The following ROBO2 variants were observed in gnomAD, a reference collection of about 807,000 sequenced individuals.
ROBO2 encodes roundabout guidance receptor 2, also known as roundabout homolog 2.
A neutral mutation model predicts 160.8 loss-of-function variants in ROBO2; 53 were observed. The observed-to-expected ratio is 0.33, with a 90% confidence interval of 0.26 to 0.41. The LOEUF is 0.41. Among genes scored for constraint, ROBO2 ranks in the 10% least tolerant of loss-of-function variants. The pLI, the probability that ROBO2 is intolerant of heterozygous loss-of-function variation, is 1.00. For synonymous variants in ROBO2, 664 were observed against 611.7 expected (o/e 1.09, Z -1.26); for missense variants, 1,577 against 1,722.4 (o/e 0.92, Z 1.49).
At chr3:76,713,922 GTTTC>G (rs2093339903) in intron 2 of ROBO2, among the ~76,000 whole-genome samples, 1 of 151,396 alleles carries the variant, frequency 6.6e-6, no homozygotes, top group South Asian at 2.1e-4. Flanking sequence ...AATCAGGGTA[GTTTC>G]TTAAGTAGTA....
intron 2 of ROBO2, among the ~76,000 whole-genome samples, chr3:77,405,949 T>C (rs1190358459): frequency 2.6e-5 from 4 of 152,156 alleles, no homozygotes; most frequent in African/African-American, 9.6e-5. Context: ...AGTAGAGGTA[T>C]GAAGTAAAAT....
At chr3:77,635,681 A>G (rs2095252036) in intron 24 of ROBO2, among the ~76,000 whole-genome samples, 1 of 152,174 alleles carries the variant, frequency 6.6e-6, no homozygotes, top group South Asian at 2.1e-4. Context: ...ATAACTGCCT[A>G]TAACATTCGG....
chr3:77,460,015 G>C (rs921927181), intron 2 of ROBO2, among the ~76,000 whole-genome samples: 4 of 152,022 alleles, frequency 2.6e-5, no homozygotes, highest in Non-Finnish European at 4.4e-5. Flanking sequence ...TTTTGAAGAG[G>C]TTCCTCTGTC....
At chr3:77,075,672 C>CTTTTTTTTTTTTTTTTTTTTTT (rs1174587812) in intron 1 of ROBO2, among the ~76,000 whole-genome samples, 3 of 87,256 alleles carry the variant, frequency 3.4e-5, no homozygotes, top group African/African-American at 9.8e-5. Flanking sequence ...TTTCTTTCTC[C>CTTTTTTTTTTTTTTTTTTTTTT]TTTTTTTTTT....
At chr3:77,134,431 A>G (rs114535964) in intron 2 of ROBO2, among the ~76,000 whole-genome samples, 2,203 of 152,368 alleles carry the variant, frequency 0.014, 54 homozygotes, top group African/African-American at 0.05. Flanking sequence ...CTCAGAGAGC[A>G]TAATAAGAAT....
rs2062135062 is a variant in ROBO2, at chr3:77,014,777, A to G, written c.110-83237A>G. 6.1e-5 allele frequency among the ~76,000 whole-genome samples: 8 copies of G among 130,082 alleles called. 1 individual carries two copies. 85.3% of individuals were successfully genotyped at this position (130,082 alleles called of 152,430 possible). On this transcript the variant is annotated intron_variant, in intron 2 of 26. Coordinates refer to the ROBO2 transcript ENST00000487694. The stretch of plus-strand genomic sequence containing the variant: ...GAGAGCCAGGTGATGGCCATTTGCA[A>G]GAGAGAGAGAGAGAGAGAAAGAAAG...
rs190981586 is a variant in ROBO2 at position 76,955,605 on chromosome 3, T to C, written c.110-142409T>C. ...TTTGCCTTTCCCTGATCATTAATGA[T>C]ATTAACCATCTTTTTATATTCTTAC... On this transcript the variant is annotated intron_variant, in intron 2 of 26. Coordinates refer to the ROBO2 transcript ENST00000487694. Among the ~76,000 whole-genome samples the C allele has an allele frequency of 3.9e-5, 6 of 152,314 alleles. No homozygotes were observed. In the East Asian group the frequency reaches 1.2e-3, roughly 29 times the overall value.
intron 1 of ROBO2, among the ~76,000 whole-genome samples, chr3:77,090,548 G>A (rs920291182): frequency 1.4e-4 from 21 of 151,408 alleles, no homozygotes; most frequent in Admixed American, 1.1e-3. Context: ...TAGAGACAAG[G>A]TTTCACCGTG....
At chr3:77,318,196 T>C (rs561334142) in intron 2 of ROBO2, among the ~76,000 whole-genome samples, 2 of 152,034 alleles carry the variant, frequency 1.3e-5, no homozygotes, top group East Asian at 3.9e-4. Context: ...CACAGGCACC[T>C]GCTATTTTTG....
chr3:76,481,898 A>T (rs2079229237), intron 2 of ROBO2, among the ~76,000 whole-genome samples: 1 of 152,120 alleles, frequency 6.6e-6, no homozygotes, highest in Non-Finnish European at 1.5e-5. Flanking sequence ...ATCCAGGCAG[A>T]ATACAAACAG....
intron 2 of ROBO2, among the ~76,000 whole-genome samples, chr3:76,035,370 A>G (rs1297832632): frequency 1.3e-5 from 2 of 152,048 alleles, no homozygotes; most frequent in Admixed American, 6.5e-5. Context: ...TTATCTCAGC[A>G]TGGATTATCC....
At chr3:77,174,521 G>A (rs1579641346) in intron 2 of ROBO2, among the ~76,000 whole-genome samples, 1 of 151,874 alleles carries the variant, frequency 6.6e-6, no homozygotes, top group Admixed American at 6.6e-5. Flanking sequence ...TGCCATCTTT[G>A]TCTTTCTGTC....
chr3:76,259,545 A>C (rs540285153), intron 2 of ROBO2, among the ~76,000 whole-genome samples: 1 of 152,150 alleles, frequency 6.6e-6, no homozygotes, highest in Non-Finnish European at 1.5e-5. Flanking sequence ...ATTGCTATAG[A>C]CTACATTTTT....
chr3:76,236,266 T>C (rs1395532965), intron 2 of ROBO2, among the ~76,000 whole-genome samples: 1 of 152,158 alleles, frequency 6.6e-6, no homozygotes, highest in Non-Finnish European at 1.5e-5. Flanking sequence ...TTACAAAGCA[T>C]GTTTTTAATC....
In ROBO2 at chr3:76,016,863, G is replaced by A. The variant is rs921355417; in HGVS notation, c.109+79261G>A. Reference sequence around the variant, plus strand: ...TTCTATTCCTAAAAATAATTTGCCAGGAAAAACAGACAAATGAAGACTAAA... The same window carrying A: ...TTCTATTCCTAAAAATAATTTGCCAAGAAAAACAGACAAATGAAGACTAAA... On this transcript the variant is annotated intron_variant, in intron 2 of 26. Transcript: ENST00000487694. Among the ~76,000 whole-genome samples the A allele has an allele frequency of 6.6e-4, 101 of 151,928 alleles. 1 individual carries two copies. The highest frequency in any genetic ancestry group is 1.0e-3 in the Admixed American group (16 of 15,254).
chr3:76,638,377 T>A (rs988776404), intron 2 of ROBO2, among the ~76,000 whole-genome samples: 1 of 152,152 alleles, frequency 6.6e-6, no homozygotes, highest in African/African-American at 2.4e-5. Flanking sequence ...AAGAAAGAAT[T>A]GGTGGTCAAT....
At chr3:76,974,901 T>A (rs1376887703) in intron 2 of ROBO2, among the ~76,000 whole-genome samples, 2 of 152,078 alleles carry the variant, frequency 1.3e-5, no homozygotes, top group Non-Finnish European at 2.9e-5. Flanking sequence ...AGACATGACC[T>A]CACTTTCACA....
intron 1 of ROBO2, among the ~76,000 whole-genome samples, chr3:75,914,535 A>T (rs4856024): frequency 3.3e-5 from 5 of 152,026 alleles, no homozygotes; most frequent in African/African-American, 1.2e-4. Flanking sequence ...CGAAGAAAGT[A>T]TAATTTTTCT....
At chr3:77,513,734 C>T (rs922269603) in intron 5 of ROBO2, among the ~76,000 whole-genome samples, 1 of 151,520 alleles carries the variant, frequency 6.6e-6, no homozygotes, top group Non-Finnish European at 1.5e-5. Context: ...GAGAAAAAAA[C>T]CCTGCAAAAA....
Sources: allele counts gnomAD v4.1 joint callset (sites outside exome capture counted in the v4.1 genomes callset), GRCh38; gene constraint gnomAD v4.1.1; transcripts MANE v1.5; gene names NCBI Gene and HGNC (gene_info 2026-07-23, HGNC 2026-07-21).